Variants in SPATA6 observed in about 807,000 individuals in gnomAD.
SPATA6 encodes the protein spermatogenesis associated 6.
Under a neutral mutation model 65.3 loss-of-function variants are expected in SPATA6, and 56 were observed. The ratio of observed to expected loss-of-function variants is 0.86; its 90% CI spans 0.69 to 1.07. SPATA6 has a LOEUF of 1.07. Among genes scored for constraint, SPATA6 ranks in the 50% least tolerant of loss-of-function variants. The pLI is 0.00. For synonymous variants in SPATA6, 199 were observed against 213.2 expected (o/e 0.93, Z 0.58); for missense variants, 590 against 594.8 (o/e 0.99, Z 0.08).
chr1:48,423,294 T>C (rs1378786708), intron 3 of SPATA6, among the ~76,000 whole-genome samples: 1 of 151,590 alleles, frequency 6.6e-6, no homozygotes, highest in Admixed American at 6.6e-5. Flanking sequence ...CCACCTCTAC[T>C]AAAAATACAA....
chr1:48,339,474 T>C (rs188063340), intron 11 of SPATA6, among the ~76,000 whole-genome samples: 8 of 152,096 alleles, frequency 5.3e-5, no homozygotes, highest in Admixed American at 3.9e-4. Context: ...TATTAAGAGT[T>C]AGAAGATCTT....
At chr1:48,432,362 A>G (rs1317440588) in intron 3 of SPATA6, among the ~76,000 whole-genome samples, 3 of 152,196 alleles carry the variant, frequency 2.0e-5, no homozygotes, top group African/African-American at 7.2e-5. Flanking sequence ...AAGGCAATCC[A>G]AACAATGGGA....
chr1:48,285,581 A>T, the SPATA6 span, among the ~76,000 whole-genome samples: 5 of 152,076 alleles, frequency 3.3e-5, no homozygotes, highest in East Asian at 7.7e-4. Flanking sequence ...TGGCACCCAA[A>T]GGAATCTTGT....
rs189472111 is a variant in SPATA6, at chr1:48,401,445, T to C, written c.487-1801A>G. Among the ~76,000 whole-genome samples the C allele has an allele frequency of 3.9e-5, 6 of 152,258 alleles. No individual in the cohort carries two copies. The East Asian group carries it at 1.2e-3, about 29-fold the overall frequency. ...TTCCTTAATGGATCCTGTTCATGCCTAGTAAAACTTTTAAAAAGTGACTGT... is the reference window on the plus strand; with the variant it reads ...TTCCTTAATGGATCCTGTTCATGCCCAGTAAAACTTTTAAAAAGTGACTGT... On this transcript the variant is annotated intron_variant, in intron 6 of 12. Coordinates refer to ENST00000371847, the MANE Select transcript of SPATA6 (RefSeq NM_019073.4).
At chr1:48,405,447 G>T (rs976217693) in intron 5 of SPATA6, among the ~76,000 whole-genome samples, 1 of 152,150 alleles carries the variant, frequency 6.6e-6, no homozygotes, top group African/African-American at 2.4e-5. Flanking sequence ...GTGAAATTGT[G>T]GTCAAGATGT....
intron 9 of SPATA6, among the ~76,000 whole-genome samples, chr1:48,368,590 C>T (rs187782162): frequency 1.0e-3 from 158 of 152,350 alleles, no homozygotes; most frequent in African/African-American, 3.7e-3. Flanking sequence ...ATCACATCGG[C>T]TCCTGAGGCT....
At position 48,472,069 on chromosome 1, in the gene SPATA6, C is replaced by T; in HGVS notation, c.-61G>A. The T allele has an allele frequency of 1.5e-6, 2 of 1,326,382 alleles. No homozygotes were observed. Among genetic ancestry groups the T allele is most frequent in the Non-Finnish European group, 2.0e-6 (2 of 1,003,348 alleles). 82.2% of individuals were successfully genotyped at this position (1,326,382 alleles called of 1,614,324 possible). On this transcript the variant is annotated 5_prime_UTR_variant, in exon 1 of 13. Coordinates refer to ENST00000371847, the MANE Select transcript of SPATA6 (RefSeq NM_019073.4). ...CACGGGCCCGAGTGAGGCGGGGAGACCTGGGGCTGGGCGGGGACGGGGAGG... is the reference window on the plus strand; with the variant it reads ...CACGGGCCCGAGTGAGGCGGGGAGATCTGGGGCTGGGCGGGGACGGGGAGG...
chr1:48,405,087 C>T (rs556392948), intron 5 of SPATA6, among the ~76,000 whole-genome samples: 1 of 152,320 alleles, frequency 6.6e-6, no homozygotes, highest in African/African-American at 2.4e-5. Flanking sequence ...ACATCATACA[C>T]ATTAAAGAAA....
intron 3 of SPATA6, among the ~76,000 whole-genome samples, chr1:48,450,471 A>T (rs1656463827): frequency 6.6e-6 from 1 of 152,166 alleles, no homozygotes; most frequent in Admixed American, 6.5e-5. Context: ...TTAACAGAAG[A>T]ATTTCAAAAT....
chr1:48,310,736 C>T (rs1288728061), intron 11 of SPATA6, among the ~76,000 whole-genome samples: 1 of 152,142 alleles, frequency 6.6e-6, no homozygotes, highest in African/African-American at 2.4e-5. Context: ...ATCAACCAGA[C>T]CTAACAACAT....
At chr1:48,287,363 A>C in the SPATA6 span, among the ~76,000 whole-genome samples, 3 of 152,222 alleles carry the variant, frequency 2.0e-5, no homozygotes, top group Non-Finnish European at 4.4e-5. Context: ...TGGGGGTTAC[A>C]TTTCAATATG....
chr1:48,332,800 C>T (rs1645953415), intron 11 of SPATA6, among the ~76,000 whole-genome samples: 1 of 152,156 alleles, frequency 6.6e-6, no homozygotes, highest in Non-Finnish European at 1.5e-5. Context: ...ATGGTACACA[C>T]TGTAAGATCA....
intron 11 of SPATA6, among the ~76,000 whole-genome samples, chr1:48,336,093 A>G (rs2148746228): frequency 6.6e-6 from 1 of 152,226 alleles, no homozygotes; most frequent in East Asian, 1.9e-4. Context: ...AGCATCACAC[A>G]TCAGTCAGAA....
downstream of SPATA6, among the ~76,000 whole-genome samples, chr1:48,290,378 C>T (rs1000972900): frequency 1.3e-5 from 2 of 152,152 alleles, no homozygotes; most frequent in African/African-American, 2.4e-5. Flanking sequence ...ACAACTGGTA[C>T]CAGCCACTGC....
chr1:48,404,079 C>A lies in SPATA6; in HGVS notation c.406-197G>T, dbSNP rs1570464256. Among the ~76,000 whole-genome samples the A allele has an allele frequency of 2.0e-5, 3 of 152,170 alleles. No homozygotes were observed. The South Asian group carries it at 6.2e-4, about 32-fold the overall frequency. On this transcript the variant is annotated intron_variant, in intron 5 of 12. Coordinates refer to ENST00000371847, the MANE Select transcript of SPATA6 (RefSeq NM_019073.4). ...AGTAACAATGTCTCTGCTGATGATT[C>A]CATCATGAGTGATTATATTACTTTT...
At chr1:48,293,928 C>T (rs536647419), downstream of SPATA6, among the ~76,000 whole-genome samples, 26 of 152,268 alleles carry the variant, frequency 1.7e-4, no homozygotes, top group East Asian at 5.0e-3. Flanking sequence ...TGAACAGTCA[C>T]AAGTACTGAT....
chr1:48,286,381 C>T, the SPATA6 span, among the ~76,000 whole-genome samples: 1 of 152,136 alleles, frequency 6.6e-6, no homozygotes, highest in African/African-American at 2.4e-5. Context: ...TAAAATCTTT[C>T]ATCTCTTTGG....
At chr1:48,427,196 G>A (rs1653915786) in intron 3 of SPATA6, among the ~76,000 whole-genome samples, 1 of 151,800 alleles carries the variant, frequency 6.6e-6, no homozygotes, top group Non-Finnish European at 1.5e-5. Context: ...CCAAAGTGCT[G>A]GGATTATATT....
intron 11 of SPATA6, among the ~76,000 whole-genome samples, chr1:48,346,593 G>A (rs1050751181): frequency 2.0e-5 from 3 of 152,028 alleles, no homozygotes; most frequent in Non-Finnish European, 4.4e-5. Context: ...AGCTTCTTAA[G>A]CTGAAAAATA....
Sources: allele counts gnomAD v4.1 joint callset (sites outside exome capture counted in the v4.1 genomes callset), GRCh38; gene constraint gnomAD v4.1.1; transcripts MANE v1.5; gene names NCBI Gene and HGNC (gene_info 2026-07-23, HGNC 2026-07-21).